Variants in IL7R observed in about 807,000 individuals in gnomAD.
The protein encoded by IL7R is interleukin 7 receptor, also known as interleukin-7 receptor subunit alpha.
In IL7R, 38 loss-of-function variants were observed where a neutral mutation model predicts 47.0. The observed-to-expected ratio is 0.81, with a 90% CI of 0.62 to 1.06. The LOEUF is 1.06. IL7R is among the 50% of genes least tolerant of loss of function. IL7R has a pLI of 0.00. For missense variants in IL7R, 633 were observed against 534.8 expected (o/e 1.18, Z -1.81); for synonymous variants, 221 against 199.8 (o/e 1.11, Z -0.89).
rs764027982 is a variant in IL7R, at chr5:35,879,474, C to G, written c.*2988C>G. 4.3e-6 allele frequency: 1 copy of G among 232,386 alleles called. No homozygotes were observed. The highest frequency in any genetic ancestry group is 2.2e-5 in the African/African-American group (1 of 45,316). The allele number at this position is 232,386 out of a possible 1,614,324, so 14.4% of individuals were successfully genotyped here. ...TCTTTAAAATATCCATTGTTCACTA[C>G]AGTGAAGATCTCTGATTTAACCGTG... On this transcript the variant is annotated 3_prime_UTR_variant, in exon 8 of 8. Coordinates refer to ENST00000303115, the MANE Select transcript of IL7R (RefSeq NM_002185.5).
At chr5:35,865,175 G>A (rs573824570) in intron 2 of IL7R, among the ~76,000 whole-genome samples, 6 of 152,054 alleles carry the variant, frequency 3.9e-5, no homozygotes, top group Admixed American at 2.0e-4. Flanking sequence ...TGCTCTTATC[G>A]TTCAATTCCC....
rs200150755 is a variant in IL7R, at chr5:35,874,514, A to T, written c.772A>T (p.Ile258Phe). Reference protein sequence around the residue: ...LSFFSVALLVILACVLWKKRI... With the variant: ...LSFFSVALLVFLACVLWKKRI... ...TTTTTTCTCTGTCGCTCTGTTGGTC[A>T]TCTTGGCCTGTGTGTTATGGAAAAA... Residue 258 changes from isoleucine to phenylalanine, a missense_variant, in exon 6 of 8, where the codon ATC becomes TTC. By Grantham distance (21) the Ile-to-Phe change is conservative. Coordinates refer to ENST00000303115, the MANE Select transcript of IL7R (RefSeq NM_002185.5). The T allele has an allele frequency of 2.6e-5, 42 of 1,613,364 alleles. No individual in the cohort carries two copies. Among genetic ancestry groups the T allele is most frequent in the Non-Finnish European group, 3.1e-5 (37 of 1,179,460 alleles).
At chr5:35,857,216 T>C (rs566878316) in intron 1 of IL7R, among the ~76,000 whole-genome samples, 157 bp downstream of exon 1, 1 of 152,082 alleles carries the variant, frequency 6.6e-6, no homozygotes, top group East Asian at 1.9e-4. Context: ...TTAACCACCA[T>C]GACAGGGGGC....
chr5:35,867,308 G>C lies in IL7R; in HGVS notation c.224G>C (p.Gly75Ala), dbSNP rs1415846173. The C allele has an allele frequency of 1.2e-6, 2 of 1,613,232 alleles. No homozygotes were observed. Among genetic ancestry groups the C allele is most frequent in the East Asian group, 2.2e-5 (1 of 44,866 alleles). The change falls in exon 3 of 8, where the codon GGG becomes GCG. Residue 75 changes from glycine to alanine, a missense_variant and splice_region_variant. By Grantham distance (60) the Gly-to-Ala change is moderately conservative (BLOSUM62 0). Coordinates refer to ENST00000303115, the MANE Select transcript of IL7R (RefSeq NM_002185.5). ...NITNLEFEIC[G>A]ALVEVKCLNF... ...ATATCCCCTTTTTATTCCTACAGTG[G>C]GGCCCTCGTGGAGGTAAAGTGCCTG...
At position 35,879,561 on chromosome 5, in the gene IL7R, T is replaced by C. The variant is rs1760301446; in HGVS notation, c.*3075T>C. 1 of 224,454 alleles carries C rather than the reference T, an allele frequency of 4.5e-6. No homozygotes were observed. Among genetic ancestry groups the C allele is most frequent in the Non-Finnish European group, 8.9e-6 (1 of 112,512 alleles). 13.9% of individuals were successfully genotyped at this position (224,454 alleles called of 1,614,324 possible). On this transcript the variant is annotated 3_prime_UTR_variant, in exon 8 of 8. Transcript: ENST00000303115. ...GCTTAGTATATAAGCGTACAATGTA[T>C]GTAATAACCATCTCATATTTAATTA...
In IL7R at chr5:35,867,107, A is replaced by T. The variant is rs551446781; in HGVS notation, c.222-199A>T. Among the ~76,000 whole-genome samples the T allele has an allele frequency of 2.4e-3, 362 of 152,308 alleles. 1 individual carries two copies. Among genetic ancestry groups the T allele is most frequent in the Non-Finnish European group, 4.2e-3 (286 of 68,012 alleles). ...AATTGCATCTAATTCTAAGTAAATC[A>T]TCACTAAGTATCATAGCAGCAGAAA... On this transcript the variant is annotated intron_variant, in intron 2 of 7. Transcript: ENST00000303115.
rs78625340 is a variant in IL7R, at chr5:35,868,212, G to T, written c.379+749G>T. On this transcript the variant is annotated intron_variant, in intron 3 of 7. Coordinates refer to ENST00000303115, the MANE Select transcript of IL7R (RefSeq NM_002185.5). ...AGGTGATGCCCACCACATCACGGAA[G>T]GCAATCTACTTTACTCAAAGTTTAC... Among the ~76,000 whole-genome samples the T allele has an allele frequency of 6.3e-3, 960 of 152,242 alleles. 16 individuals carry two copies. Among genetic ancestry groups the T allele is most frequent in the East Asian group, 0.055 (286 of 5,178 alleles).
chr5:35,873,471 A>T lies in IL7R; in HGVS notation c.538-9A>T, dbSNP rs781314214. On this transcript the variant is annotated splice_polypyrimidine_tract_variant and intron_variant, in intron 4 of 7. Transcript: ENST00000303115. ...CATCCTAAGAATGTAACTGCACTCTACTCTCTAGCATGTGAATTTATCCAG... is the reference window on the plus strand; with the variant it reads ...CATCCTAAGAATGTAACTGCACTCTTCTCTCTAGCATGTGAATTTATCCAG... The T allele has an allele frequency of 1.2e-6, 2 of 1,612,572 alleles. No homozygotes were observed. The highest frequency in any genetic ancestry group is 1.7e-6 in the Non-Finnish European group (2 of 1,178,692).
At position 35,876,595 on chromosome 5, in the gene IL7R, A is replaced by C; in HGVS notation, c.*109A>C. The C allele has an allele frequency of 8.9e-7, 1 of 1,122,198 alleles. No individual in the cohort carries two copies. The highest frequency in any genetic ancestry group is 1.3e-6 in the Non-Finnish European group (1 of 761,926). The allele number at this position is 1,122,198 out of a possible 1,614,324, so 69.5% of individuals were successfully genotyped here. ...GCACAGAGAAGACAAAATTAGCAAA[A>C]CCCCACTACACAGTCTGCAAGATTC... is the stretch of plus-strand genomic sequence containing the variant. On this transcript the variant is annotated 3_prime_UTR_variant, in exon 8 of 8. Coordinates refer to ENST00000303115, the MANE Select transcript of IL7R (RefSeq NM_002185.5).
At chr5:35,874,687 G>A (rs1254800153) in intron 6 of IL7R, 145 bp downstream of exon 6, 6 of 727,498 alleles carry the variant, frequency 8.2e-6, no homozygotes, top group South Asian at 5.9e-5. Flanking sequence ...TATCCTCAGC[G>A]AATTTCCACA....
chr5:35,878,594 T>A lies in IL7R; in HGVS notation c.*2108T>A. 4.3e-6 allele frequency: 1 copy of A among 232,968 alleles called. No homozygotes were observed. The highest frequency in any genetic ancestry group is 8.5e-6 in the Non-Finnish European group (1 of 117,870). 14.4% of individuals were successfully genotyped at this position (232,968 alleles called of 1,614,324 possible). A position where few individuals can be genotyped will look rare whatever the true frequency, so the allele number is the denominator to read the frequency against. On this transcript the variant is annotated 3_prime_UTR_variant, in exon 8 of 8. Transcript: ENST00000303115. Reference sequence around the variant, plus strand: ...ACATTTTTCATCAGTGGGCAGGTGTTCTTTACCTTTTGTAGAAATGGGAGT... The same window carrying A: ...ACATTTTTCATCAGTGGGCAGGTGTACTTTACCTTTTGTAGAAATGGGAGT...
Position 35,874,489 on chromosome 5 carries a change from T to C in IL7R, c.747T>C (p.Ser249=), listed in dbSNP as rs902749552. 6.2e-7 allele frequency: 1 copy of C among 1,613,502 alleles called. No individual in the cohort carries two copies. Among genetic ancestry groups the C allele is most frequent in the East Asian group, 2.2e-5 (1 of 44,874 alleles). The change falls in exon 6 of 8, where the codon AGT becomes AGC. Residue 249 remains serine (S), a synonymous_variant. Coordinates refer to ENST00000303115, the MANE Select transcript of IL7R (RefSeq NM_002185.5). ...TCTTACTAACCATCAGCATTTTGAGTTTTTTCTCTGTCGCTCTGTTGGTCA... is the reference window on the plus strand; with the variant it reads ...TCTTACTAACCATCAGCATTTTGAGCTTTTTCTCTGTCGCTCTGTTGGTCA... ...DPILLTISIL[S]FFSVALLVIL...
chr5:35,859,084 T>A (rs1759734013), intron 1 of IL7R, among the ~76,000 whole-genome samples: 1 of 152,224 alleles, frequency 6.6e-6, no homozygotes, highest in South Asian at 2.1e-4. Context: ...CCATAATATC[T>A]ACTGAAAAGC....
Position 35,867,339 on chromosome 5 carries a change from C to T in IL7R, c.255C>T (p.Phe85=). The T allele has an allele frequency of 3.1e-6, 5 of 1,613,634 alleles. No individual in the cohort carries two copies. Among genetic ancestry groups the T allele is most frequent in the Non-Finnish European group, 4.2e-6 (5 of 1,179,688 alleles). ...GALVEVKCLN[F]RKLQEIYFIE... is the part of the protein sequence containing the mutation. ...TCGTGGAGGTAAAGTGCCTGAATTT[C>T]AGGAAACTACAAGAGATATATTTCA... is the stretch of plus-strand genomic sequence containing the variant. Residue 85 remains phenylalanine (F), a synonymous_variant, in exon 3 of 8, where the codon TTC becomes TTT. Transcript: ENST00000303115.
intron 4 of IL7R, 65 bp downstream of exon 4, chr5:35,871,278 T>C: frequency 2.9e-6 from 4 of 1,357,506 alleles, no homozygotes; most frequent in South Asian, 2.4e-5. Flanking sequence ...GTTGGCCTAG[T>C]AGTGCATTTC....
rs546001263 is a variant in IL7R at position 35,861,826 on chromosome 5, C to T, written c.221+836C>T. Among the ~76,000 whole-genome samples, 29 of 152,262 alleles carry T rather than the reference C, an allele frequency of 1.9e-4. 1 individual carries two copies. Among genetic ancestry groups the T allele is most frequent in the African/African-American group, 6.0e-4 (25 of 41,576 alleles). ...ATCTCTGGTGATTTGAGAAACTACT[C>T]TAGCTTGAAATTCTGACCTGAGGCT... is the stretch of plus-strand genomic sequence containing the variant. On this transcript the variant is annotated intron_variant, in intron 2 of 7. Coordinates refer to ENST00000303115, the MANE Select transcript of IL7R (RefSeq NM_002185.5).
At chr5:35,857,124 G>A in intron 1 of IL7R, 65 bp downstream of exon 1, 1 of 1,019,666 alleles carries the variant, frequency 9.8e-7, no homozygotes, top group Non-Finnish European at 1.6e-6. Flanking sequence ...AGGTTATTCA[G>A]TTCCCTAACA....
At chr5:35,865,898 G>A (rs1312015826) in intron 2 of IL7R, among the ~76,000 whole-genome samples, 4 of 152,108 alleles carry the variant, frequency 2.6e-5, no homozygotes, top group African/African-American at 7.2e-5. Flanking sequence ...ATCAAATTGT[G>A]TTTATTTGTT....
chr5:35,858,986 C>T lies in IL7R; in HGVS notation c.83-1866C>T, dbSNP rs140133760. On this transcript the variant is annotated intron_variant, in intron 1 of 7. Coordinates refer to ENST00000303115, the MANE Select transcript of IL7R (RefSeq NM_002185.5). The stretch of plus-strand genomic sequence containing the variant: ...TCTTAGCCAAGAATTTTTCAGCTCA[C>T]GTCATGTAGAATATTCTTTTTGTAA... Among the ~76,000 whole-genome samples the T allele has an allele frequency of 1.3e-3, 195 of 152,270 alleles. 2 individuals are homozygous for T. The highest frequency in any genetic ancestry group is 4.4e-3 in the African/African-American group (184 of 41,550).
Sources: allele counts gnomAD v4.1 joint callset (sites outside exome capture counted in the v4.1 genomes callset), GRCh38; gene constraint gnomAD v4.1.1; transcripts MANE v1.5; gene names NCBI Gene and HGNC (gene_info 2026-07-23, HGNC 2026-07-21).